SPART: variants seen among roughly 807,000 people sequenced by gnomAD.
SPART encodes spartin.
SPART carries 35 observed loss-of-function variants against 58.7 expected under a neutral mutation model. The observed-to-expected ratio is 0.60, with a 90% CI of 0.46 to 0.79. SPART has a LOEUF of 0.79. Among genes scored for constraint, SPART ranks in the 30% least tolerant of loss-of-function variants. The pLI is 0.00. For synonymous variants in SPART, 284 were observed against 280.7 expected (o/e 1.01, Z -0.12); for missense variants, 730 against 786.1 (o/e 0.93, Z 0.85).
chr13:36,355,677 G>A (rs374494489), intron 1 of SPART, among the ~76,000 whole-genome samples: 12 of 152,182 alleles, frequency 7.9e-5, no homozygotes, highest in Admixed American at 6.5e-5. Context: ...AAATTCTAAG[G>A]CTCCCCCCAA....
At chr13:36,327,696 A>G (rs1883066362) in intron 4 of SPART, among the ~76,000 whole-genome samples, 1 of 152,148 alleles carries the variant, frequency 6.6e-6, no homozygotes, top group African/African-American at 2.4e-5. Flanking sequence ...GTTAATAATT[A>G]TGTGTCTGAG....
At chr13:36,345,326 C>A (rs541214515) in intron 1 of SPART, among the ~76,000 whole-genome samples, 1 of 152,264 alleles carries the variant, frequency 6.6e-6, no homozygotes, top group South Asian at 2.1e-4. Context: ...TCCAATAAAG[C>A]CACCAAATTA....
chr13:36,364,615 G>T (rs1885987504), intron 1 of SPART, among the ~76,000 whole-genome samples: 1 of 152,080 alleles, frequency 6.6e-6, no homozygotes, highest in Non-Finnish European at 1.5e-5. Context: ...TAACGAAAAA[G>T]AACAGAAGAT....
At chr13:36,307,318 T>C (rs1880606884) in intron 8 of SPART, among the ~76,000 whole-genome samples, 1 of 152,128 alleles carries the variant, frequency 6.6e-6, no homozygotes, top group Non-Finnish European at 1.5e-5. Flanking sequence ...ATTTCTCCAA[T>C]GTGTTCAGTT....
intron 5 of SPART, among the ~76,000 whole-genome samples, chr13:36,321,399 T>C (rs996796857): frequency 3.9e-5 from 6 of 152,202 alleles, no homozygotes; most frequent in African/African-American, 1.4e-4. Flanking sequence ...TAATCAGATA[T>C]CCTGAGTCGT....
At position 36,335,763 on chromosome 13, in the gene SPART, G is replaced by T. The variant is rs753340463; in HGVS notation, c.68C>A (p.Ala23Asp). 56 of 1,613,728 alleles carry T rather than the reference G, an allele frequency of 3.5e-5. No individual in the cohort carries two copies. The Admixed American group carries it at 9.3e-4, about 27-fold the overall frequency. The change falls in exon 2 of 9, where the codon GCC becomes GAC. Residue 23 changes from alanine (A) to aspartate (D), a missense_variant. Physicochemically the swap from Ala to Asp is moderately radical, Grantham distance 126. Transcript: ENST00000438666. ...IKIIREAYKKAFLFVNKGLNT... is the reference protein window; with the variant it reads ...IKIIREAYKKDFLFVNKGLNT... ...CAGACCTTTGTTAACAAATAAAAAG[G>T]CCTTCTTATATGCTTCTCTGATGAT...
At chr13:36,313,999 T>A in intron 6 of SPART, 1 of 554,334 alleles carries the variant, frequency 1.8e-6, no homozygotes, top group Non-Finnish European at 3.2e-6. Flanking sequence ...AGATTCTGAA[T>A]CAGTAGGTGT....
Position 36,326,704 on chromosome 13 carries a change from C to T in SPART, c.1165-6G>A. Reference sequence around the variant, plus strand: ...TCACTTGAAGTATCTTTAGCCTAAACAGTAAAAATGTTTCAAAATGTGAAG... The same window carrying T: ...TCACTTGAAGTATCTTTAGCCTAAATAGTAAAAATGTTTCAAAATGTGAAG... On this transcript the variant is annotated splice_region_variant and splice_polypyrimidine_tract_variant and intron_variant, in intron 4 of 8. Transcript: ENST00000438666. 1 of 1,612,260 alleles carries T rather than the reference C, an allele frequency of 6.2e-7. No homozygotes were observed. The highest frequency in any genetic ancestry group is 8.5e-7 in the Non-Finnish European group (1 of 1,179,658).
chr13:36,324,713 A>T (rs1342589153), intron 5 of SPART, among the ~76,000 whole-genome samples: 2 of 152,232 alleles, frequency 1.3e-5, no homozygotes, highest in Admixed American at 1.3e-4. Context: ...ACCACCAAAC[A>T]GGCTTTGTGT....
At position 36,335,276 on chromosome 13, in the gene SPART, T is replaced by C. The variant is rs746480844; in HGVS notation, c.555A>G (p.Val185=). The C allele has an allele frequency of 5.0e-6, 8 of 1,614,026 alleles. No homozygotes were observed. In the African/African-American group the frequency reaches 5.3e-5, roughly 11 times the overall value. ...ACTCCCCAGAATCTGTTCCATAGGA[T>C]ACAGTGTAGTGACCTTCAGCAGCTT... ...TPQAAEGHYT[V]SYGTDSGEFS... is the part of the protein sequence containing the mutation. Residue 185 remains valine (V), a synonymous_variant, in exon 2 of 9, where the codon GTA becomes GTG. Transcript: ENST00000438666.
rs1303616252 is a variant in SPART at position 36,335,787 on chromosome 13, A to T, written c.44T>A (p.Ile15Asn). ...GGCCTTCTTATATGCTTCTCTGATG[A>T]TCTTAATTTCAGCAGGTTCTCCATT... is the stretch of plus-strand genomic sequence containing the variant. The part of the protein sequence containing the change: ...PQNGEPAEIK[I>N]IREAYKKAFL... Residue 15 changes from isoleucine (I) to asparagine (N), a missense_variant, in exon 2 of 9, where the codon ATC becomes AAC. Coordinates refer to ENST00000438666, the MANE Select transcript of SPART (RefSeq NM_015087.5). 7 of 1,613,518 alleles carry T rather than the reference A, an allele frequency of 4.3e-6. No homozygotes were observed. The highest frequency in any genetic ancestry group is 5.1e-6 in the Non-Finnish European group (6 of 1,179,996).
chr13:36,361,703 A>G (rs1885866792), intron 1 of SPART, among the ~76,000 whole-genome samples: 2 of 152,180 alleles, frequency 1.3e-5, no homozygotes, highest in African/African-American at 4.8e-5. Flanking sequence ...GCATCACCCT[A>G]AAACCGCCTT....
chr13:36,361,004 A>G (rs912013290), intron 1 of SPART, among the ~76,000 whole-genome samples: 1 of 152,170 alleles, frequency 6.6e-6, no homozygotes, highest in Non-Finnish European at 1.5e-5. Context: ...TATTTCTCCA[A>G]TACTCACATT....
chr13:36,334,992 A>G, intron 2 of SPART, 29 bp downstream of exon 2: 2 of 1,573,950 alleles, frequency 1.3e-6, no homozygotes, highest in Non-Finnish European at 1.7e-6. Flanking sequence ...ACGTATTTCA[A>G]ATTATGCTTT....
At chr13:36,354,916 G>A (rs1338485169) in intron 1 of SPART, among the ~76,000 whole-genome samples, 1 of 152,234 alleles carries the variant, frequency 6.6e-6, no homozygotes. Context: ...AGCTGAAGAG[G>A]AAACTAGACC....
intron 4 of SPART, 38 bp downstream of exon 4, chr13:36,329,324 T>C: frequency 1.2e-6 from 2 of 1,609,550 alleles, no homozygotes; most frequent in Non-Finnish European, 8.5e-7. Flanking sequence ...AAGGTACCAT[T>C]AGAAGACAAC....
intron 2 of SPART, among the ~76,000 whole-genome samples, chr13:36,334,360 C>T (rs997270481): frequency 1.3e-5 from 2 of 152,144 alleles, no homozygotes; most frequent in African/African-American, 4.8e-5. Context: ...GTTGGAATTA[C>T]ATCTTAAATT....
intron 1 of SPART, among the ~76,000 whole-genome samples, chr13:36,358,850 T>C (rs535496729): frequency 3.9e-5 from 6 of 152,344 alleles, no homozygotes; most frequent in African/African-American, 1.2e-4. Context: ...GTTAAAGGAC[T>C]TTTGGAATTT....
chr13:36,370,010 G>A (rs1246297884), intron 1 of SPART: 1 of 152,188 alleles, frequency 6.6e-6, no homozygotes, highest in East Asian at 1.9e-4. Context: ...AATACCTTCT[G>A]AAAGAAGGAG....
Sources: gnomAD v4.1 joint callset for allele counts (sites outside exome capture counted in the v4.1 genomes callset) on GRCh38, gnomAD v4.1.1 for gene constraint, MANE v1.5 for transcripts, NCBI Gene and HGNC (gene_info 2026-07-23, HGNC 2026-07-21) for gene names.